RIMS1: variants seen among roughly 807,000 people sequenced by gnomAD.
The protein encoded by RIMS1 is regulating synaptic membrane exocytosis 1.
In RIMS1, 83 loss-of-function variants were observed where a neutral mutation model predicts 214.1. The ratio of observed to expected loss-of-function variants is 0.39; its 90% confidence interval spans 0.32 to 0.47. The LOEUF (loss-of-function observed/expected upper bound fraction) is 0.47, where lower values mean the gene tolerates loss of function less well. Among genes scored for constraint, RIMS1 ranks in the 20% least tolerant of loss-of-function variants. The pLI is 0.99. For missense variants in RIMS1, 2,050 were observed against 2,161.8 expected, an observed-to-expected ratio of 0.95 and a Z score of 1.03; for synonymous variants, 793 against 786.8, an observed-to-expected ratio of 1.01 and a Z score of -0.13.
chr6:72,055,973 C>T (rs1345494747), intron 2 of RIMS1, among the ~76,000 whole-genome samples: 4 of 151,944 alleles, frequency 2.6e-5, no homozygotes, highest in Admixed American at 6.6e-5. Flanking sequence ...ATATGTTCAT[C>T]GCAGCAGTAT....
At chr6:72,089,234 T>A (rs1341326275) in intron 2 of RIMS1, among the ~76,000 whole-genome samples, 1 of 152,138 alleles carries the variant, frequency 6.6e-6, no homozygotes, top group South Asian at 2.1e-4. Context: ...ATCAGTCAAA[T>A]GGGCTTGCAT....
Position 72,248,104 on chromosome 6 carries a change from C to G in RIMS1, c.2218C>G (p.Gln740Glu). The change falls in exon 12 of 34, where the codon CAA becomes GAA. Residue 740 changes from glutamine (Q) to glutamate (E), a missense_variant. Transcript: ENST00000521978. ...TCCTGGAGCTCTAAAAGATGCCCCA[C>G]AAGTCTTACCAGGGCAACTTTCTGT... ...TSPGALKDAPQVLPGQLSVKL... is the reference protein window; with the variant it reads ...TSPGALKDAPEVLPGQLSVKL... The G allele has an allele frequency of 6.2e-7, 1 of 1,611,540 alleles. No homozygotes were observed. Among genetic ancestry groups the G allele is most frequent in the Non-Finnish European group, 8.5e-7 (1 of 1,178,456 alleles).
intron 29 of RIMS1, among the ~76,000 whole-genome samples, chr6:72,346,036 C>T (rs186911343): frequency 7.8e-4 from 119 of 151,758 alleles, no homozygotes; most frequent in African/African-American, 2.7e-3. Context: ...AGAAGAGGCT[C>T]CTGCAGAAAA....
chr6:72,028,735 C>T (rs1299360597), intron 2 of RIMS1, among the ~76,000 whole-genome samples: 2 of 152,088 alleles, frequency 1.3e-5, no homozygotes, highest in African/African-American at 4.8e-5. Context: ...ACTAAAAGTA[C>T]TCAGAAGTAT....
intron 15 of RIMS1, among the ~76,000 whole-genome samples, chr6:72,252,511 C>T (rs1247046165): frequency 6.6e-6 from 1 of 152,068 alleles, no homozygotes; most frequent in Admixed American, 6.6e-5. Flanking sequence ...AAGAATTAAT[C>T]TGAAAATCTT....
chr6:72,120,071 G>A (rs558478023), intron 4 of RIMS1, among the ~76,000 whole-genome samples: 12 of 151,830 alleles, frequency 7.9e-5, no homozygotes, highest in East Asian at 5.8e-4. Context: ...CATTTGGGTC[G>A]GTTCCAAGTC....
chr6:72,174,091 A>C (rs1387678424), intron 4 of RIMS1, among the ~76,000 whole-genome samples: 9 of 152,258 alleles, frequency 5.9e-5, no homozygotes, highest in Non-Finnish European at 7.4e-5. Flanking sequence ...TTCTGCAGAG[A>C]AAATCAACTC....
intron 28 of RIMS1, among the ~76,000 whole-genome samples, chr6:72,328,789 T>A (rs1716771027): frequency 6.6e-6 from 1 of 151,704 alleles, no homozygotes; most frequent in Admixed American, 6.6e-5. Flanking sequence ...TGATGTGAGT[T>A]TTTAGTAGCA....
intron 6 of RIMS1, among the ~76,000 whole-genome samples, chr6:72,232,720 A>G (rs1311040886): frequency 6.6e-6 from 1 of 151,744 alleles, no homozygotes. Context: ...TAAAAAATTG[A>G]AGTGTATGGA....
Position 71,914,048 on chromosome 6 carries a change from G to A in RIMS1, c.164+26861G>A, listed in dbSNP as rs915419260. 1.8e-4 allele frequency among the ~76,000 whole-genome samples: 28 copies of A among 152,184 alleles called. 1 individual carries two copies. The highest frequency in any genetic ancestry group is 1.3e-4 in the Admixed American group (2 of 15,262). Reference sequence around the variant, plus strand: ...TTTACTGCCCATTTTAGGAAAGGCAGAGTCCTATTTCATTGTGCTCTGAAT... The same window carrying A: ...TTTACTGCCCATTTTAGGAAAGGCAAAGTCCTATTTCATTGTGCTCTGAAT... On this transcript the variant is annotated intron_variant, in intron 1 of 33. Coordinates refer to ENST00000521978, the MANE Select transcript of RIMS1 (RefSeq NM_014989.7).
intron 4 of RIMS1, among the ~76,000 whole-genome samples, chr6:72,136,412 G>GA (rs547697496): frequency 1.2e-4 from 18 of 148,382 alleles, no homozygotes; most frequent in Middle Eastern, 3.6e-3. Flanking sequence ...AATATTTCAA[G>GA]AAAAAAAAAT....
chr6:72,087,918 G>T (rs1562281403), intron 2 of RIMS1, among the ~76,000 whole-genome samples: 1 of 152,174 alleles, frequency 6.6e-6, no homozygotes, highest in Non-Finnish European at 1.5e-5. Flanking sequence ...AGTCAGAATT[G>T]TGTAAGCTGA....
chr6:71,990,074 A>G (rs775659674), intron 2 of RIMS1, among the ~76,000 whole-genome samples: 2 of 152,028 alleles, frequency 1.3e-5, no homozygotes, highest in Non-Finnish European at 2.9e-5. Flanking sequence ...GCTATTCTCT[A>G]CCATTGCCCC....
intron 2 of RIMS1, among the ~76,000 whole-genome samples, chr6:71,984,478 T>A (rs1468596684): frequency 6.6e-6 from 1 of 152,142 alleles, no homozygotes; most frequent in Non-Finnish European, 1.5e-5. Flanking sequence ...TTACTAAAAT[T>A]TTTTATCTGG....
chr6:72,358,549 G>C (rs2097719362), intron 29 of RIMS1, among the ~76,000 whole-genome samples: 1 of 152,162 alleles, frequency 6.6e-6, no homozygotes, highest in Admixed American at 6.6e-5. Flanking sequence ...CGTGGGGACA[G>C]AGAAAGAAGA....
At position 72,028,153 on chromosome 6, in the gene RIMS1, A is replaced by G. The variant is rs563600803; in HGVS notation, c.245+59090A>G. On this transcript the variant is annotated intron_variant, in intron 2 of 33. Coordinates refer to ENST00000521978, the MANE Select transcript of RIMS1 (RefSeq NM_014989.7). ...ATTATTTGATTTAGCCAAGCAGTCA[A>G]CAATAATTGGTCTTACCTAGTAATG... Among the ~76,000 whole-genome samples the G allele has an allele frequency of 1.8e-4, 28 of 152,308 alleles. No homozygotes were observed. In the South Asian group the frequency reaches 5.4e-3, roughly 29 times the overall value.
At chr6:71,977,410 G>A (rs527571549) in intron 2 of RIMS1, among the ~76,000 whole-genome samples, 1 of 152,240 alleles carries the variant, frequency 6.6e-6, no homozygotes, top group Admixed American at 6.5e-5. Context: ...CAAATATTTA[G>A]TTTGTACTGT....
chr6:71,994,889 A>G (rs1802917682), intron 2 of RIMS1, among the ~76,000 whole-genome samples: 1 of 152,242 alleles, frequency 6.6e-6, no homozygotes, highest in Admixed American at 6.5e-5. Flanking sequence ...TACTGCCCAG[A>G]ACACAAAGGC....
intron 29 of RIMS1, among the ~76,000 whole-genome samples, chr6:72,389,104 T>A (rs994381635): frequency 2.6e-5 from 4 of 152,060 alleles, no homozygotes; most frequent in Non-Finnish European, 5.9e-5. Flanking sequence ...GATTGTCTAT[T>A]TCTAAAAATC....
Sources: allele counts gnomAD v4.1 joint callset (sites outside exome capture counted in the v4.1 genomes callset), GRCh38; gene constraint gnomAD v4.1.1; transcripts MANE v1.5; gene names NCBI Gene and HGNC (gene_info 2026-07-23, HGNC 2026-07-21).